WDFY4: variants seen among roughly 807,000 people sequenced by gnomAD.
WDFY4 encodes the protein WDFY family member 4.
Under a neutral mutation model 351.9 loss-of-function variants are expected in WDFY4, and 169 were observed. The observed-to-expected ratio is 0.48, with a 90% CI of 0.42 to 0.55. The LOEUF is 0.55. Among genes scored for constraint, WDFY4 ranks in the 20% least tolerant of loss-of-function variants. The probability of loss-of-function intolerance (pLI) is 0.00; values close to 1 mark genes in which losing one functional copy is unlikely to be tolerated. For synonymous variants in WDFY4, 1,622 were observed against 1,574.6 expected (o/e 1.03, Z -0.71); for missense variants, 3,803 against 3,935.6 (o/e 0.97, Z 0.90).
chr10:48,776,665 C>A lies in WDFY4; in HGVS notation c.2864-85C>A, dbSNP rs890665741. 2.2e-5 allele frequency: 28 copies of A among 1,278,690 alleles called. No individual in the cohort carries two copies. The South Asian group carries it at 4.1e-4, about 19-fold the overall frequency. 79.2% of individuals were successfully genotyped at this position (1,278,690 alleles called of 1,614,324 possible). A position where few individuals can be genotyped will look rare whatever the true frequency, so the allele number is the denominator to read the frequency against. ...TGTGCGAAACTCTCTTTCTGGGCTG[C>A]GGCAGATACTTTGGGGTTATTGTCA... On this transcript the variant is annotated intron_variant, in intron 15 of 61. Coordinates refer to ENST00000325239, the MANE Select transcript of WDFY4 (RefSeq NM_001394531.1).
intron 1 of WDFY4, among the ~76,000 whole-genome samples, chr10:48,687,020 T>G (rs2063068479): frequency 6.6e-6 from 1 of 152,196 alleles, no homozygotes; most frequent in Non-Finnish European, 1.5e-5. Context: ...CACTTCTTCA[T>G]CAGCATTTGA....
At chr10:48,872,032 G>C (rs923487528) in intron 40 of WDFY4, among the ~76,000 whole-genome samples, 1 of 152,188 alleles carries the variant, frequency 6.6e-6, no homozygotes, top group African/African-American at 2.4e-5. Context: ...TGATGAGGAA[G>C]TTGAAGATCC....
chr10:48,862,251 T>C (rs1452173738), intron 39 of WDFY4, among the ~76,000 whole-genome samples: 1 of 152,228 alleles, frequency 6.6e-6, no homozygotes, highest in African/African-American at 2.4e-5. Flanking sequence ...CTGGATTTTA[T>C]TTTTCCCTAA....
intron 36 of WDFY4, among the ~76,000 whole-genome samples, chr10:48,827,546 A>G (rs1398346347): frequency 6.8e-6 from 1 of 147,674 alleles, no homozygotes; most frequent in Non-Finnish European, 1.5e-5. Context: ...GTCAGTGTGC[A>G]TGAACCACAT....
At chr10:48,841,693 A>G (rs1215831412) in intron 39 of WDFY4, among the ~76,000 whole-genome samples, 4 of 152,246 alleles carry the variant, frequency 2.6e-5, no homozygotes, top group Admixed American at 6.5e-5. Context: ...CTGTGAATCA[A>G]TGGAATATTC....
intron 49 of WDFY4, 94 bp downstream of exon 49, chr10:48,943,543 G>A (rs1370647484): frequency 2.2e-6 from 3 of 1,348,510 alleles, no homozygotes; most frequent in Non-Finnish European, 2.9e-6. Context: ...CTGCTAGGAG[G>A]TTCCGTCACA....
intron 24 of WDFY4, among the ~76,000 whole-genome samples, chr10:48,801,662 C>T (rs186989198): frequency 2.6e-5 from 4 of 152,048 alleles, no homozygotes; most frequent in Middle Eastern, 3.4e-3. Flanking sequence ...CTTTTCCTGG[C>T]GGAAGAACAA....
chr10:48,913,503 C>T (rs773741095), intron 47 of WDFY4: 37 of 1,613,640 alleles, frequency 2.3e-5, no homozygotes, highest in South Asian at 7.7e-5. Context: ...CAGGTTGTCC[C>T]GGGCGTTTTG....
chr10:48,695,199 C>T (rs2063300458), intron 1 of WDFY4, among the ~76,000 whole-genome samples: 1 of 152,198 alleles, frequency 6.6e-6, no homozygotes, highest in African/African-American at 2.4e-5. Flanking sequence ...CTTGAGGCTC[C>T]CAGGGATCTG....
At chr10:48,948,299 G>C (rs997781310) in intron 51 of WDFY4, among the ~76,000 whole-genome samples, 3 of 152,204 alleles carry the variant, frequency 2.0e-5, no homozygotes, top group African/African-American at 4.8e-5. Flanking sequence ...TTTTAAGTAA[G>C]TTTGGTTTGG....
chr10:48,805,398 C>T lies in WDFY4; in HGVS notation c.4623C>T (p.His1541=). The T allele has an allele frequency of 6.5e-7, 1 of 1,549,114 alleles. No homozygotes were observed. The highest frequency in any genetic ancestry group is 8.7e-7 in the Non-Finnish European group (1 of 1,147,010). The change falls in exon 26 of 62, where the codon CAC becomes CAT. Residue 1541 remains histidine (H), a synonymous_variant. Coordinates refer to ENST00000325239, the MANE Select transcript of WDFY4 (RefSeq NM_001394531.1). ...IGILACQLRG[H]FSTQDLLRIG... ...TCCTGGCCTGTCAGCTGAGGGGCCA[C>T]TTCAGCACCCAGGACTTGCTCAGGT...
rs1023263247 is a variant in WDFY4 at position 48,791,009 on chromosome 10, C to G, written c.4257+92C>G. 2.8e-6 allele frequency: 4 copies of G among 1,446,980 alleles called. No individual in the cohort carries two copies. The African/African-American group carries it at 5.6e-5, about 20-fold the overall frequency. The allele number at this position is 1,446,980 out of a possible 1,614,324, so 89.6% of individuals were successfully genotyped here. On this transcript the variant is annotated intron_variant, in intron 23 of 61. Coordinates refer to ENST00000325239, the MANE Select transcript of WDFY4 (RefSeq NM_001394531.1). ...AAGCGTTGCTTGCCTCAGTTGCATT[C>G]CCTCCAGGGTGACTTCTAGAGAAGG...
Position 48,721,276 on chromosome 10 carries a change from C to G in WDFY4, c.365C>G (p.Ala122Gly), listed in dbSNP as rs1178690377. 2 of 1,551,650 alleles carry G rather than the reference C, an allele frequency of 1.3e-6. No homozygotes were observed. The highest frequency in any genetic ancestry group is 1.7e-6 in the Non-Finnish European group (2 of 1,146,986). Residue 122 changes from alanine to glycine, a missense_variant, in exon 4 of 62, where the codon GCA becomes GGA. Physicochemically the swap from Ala to Gly is moderately conservative, Grantham distance 60. Coordinates refer to ENST00000325239, the MANE Select transcript of WDFY4 (RefSeq NM_001394531.1). The stretch of plus-strand genomic sequence containing the variant: ...TTTCTTCCAGAGCAAGCTCGGTTGG[C>G]AGCTGGACAGTTGCTGTGGTGGAAG... The part of the protein sequence containing the change: ...VGKPAEQARL[A>G]AGQLLWWKGD...
At chr10:48,859,141 T>C (rs1451794765) in intron 39 of WDFY4, among the ~76,000 whole-genome samples, 1 of 152,186 alleles carries the variant, frequency 6.6e-6, no homozygotes, top group Non-Finnish European at 1.5e-5. Context: ...ACCTTAGGAA[T>C]TCAACAGAAT....
chr10:48,970,081 C>T, intron 56 of WDFY4, 50 bp from the exon 57 acceptor site: 1 of 1,538,598 alleles, frequency 6.5e-7, no homozygotes, highest in Non-Finnish European at 8.8e-7. Context: ...ATCCTGGGCT[C>T]CTGTCCCTGC....
In WDFY4 at chr10:48,775,754, A is replaced by G; in HGVS notation, c.2811A>G (p.Thr937=). The change falls in exon 15 of 62, where the codon ACA becomes ACG. Residue 937 remains threonine (T), a synonymous_variant. Transcript: ENST00000325239. ...GAATTCCCTCATCTCTGTCGGCCAC[A>G]ACAAAAATCCTTGATTCATCTCACA... is the stretch of plus-strand genomic sequence containing the variant. The part of the protein sequence containing the change: ...GLGIPSSLSA[T]TKILDSSHTH... 6.4e-7 allele frequency: 1 copy of G among 1,551,750 alleles called. No homozygotes were observed. The highest frequency in any genetic ancestry group is 2.4e-5 in the East Asian group (1 of 40,932).
At chr10:48,819,022 G>C (rs1348784904) in intron 32 of WDFY4, among the ~76,000 whole-genome samples, 1 of 152,202 alleles carries the variant, frequency 6.6e-6, no homozygotes. Flanking sequence ...CCATGCCCAA[G>C]GGCCAGGCTC....
chr10:48,862,779 T>C (rs1938280481), intron 39 of WDFY4, among the ~76,000 whole-genome samples: 1 of 152,194 alleles, frequency 6.6e-6, no homozygotes, highest in Non-Finnish European at 1.5e-5. Flanking sequence ...TGGTTTATAG[T>C]ATATTCCCAG....
Position 48,790,787 on chromosome 10 carries a change from C to T in WDFY4, c.4127C>T (p.Ala1376Val), listed in dbSNP as rs1217747317. 3 of 1,551,762 alleles carry T rather than the reference C, an allele frequency of 1.9e-6. No homozygotes were observed. The South Asian group carries it at 3.6e-5, about 18-fold the overall frequency. ...ASSLDFIGGP[A>V]ILLGLISLAT... is the part of the protein sequence containing the mutation. The stretch of plus-strand genomic sequence containing the variant: ...AGCCTGGACTTCATTGGCGGGCCTG[C>T]CATCCTCCTGGGCCTCATCTCCTTA... The change falls in exon 23 of 62, where the codon GCC becomes GTC. Residue 1376 changes from alanine to valine, a missense_variant. Around this residue, in one of 3 missense-constraint regions of WDFY4, gnomAD observed 3,054 missense variants for 3,148.6 expected, o/e 0.97. Coordinates refer to ENST00000325239, the MANE Select transcript of WDFY4 (RefSeq NM_001394531.1).
Sources: gnomAD v4.1 joint callset for allele counts (sites outside exome capture counted in the v4.1 genomes callset) on GRCh38, gnomAD v4.1.1 for gene constraint, gnomAD v4.1.1 regional missense constraint, MANE v1.5 for transcripts, NCBI Gene and HGNC (gene_info 2026-07-23, HGNC 2026-07-21) for gene names.